Variants in MRGBP observed in about 807,000 individuals in gnomAD.
MRGBP encodes MRG domain binding protein.
Under a neutral mutation model 21.5 loss-of-function variants are expected in MRGBP, and 5 were observed. The observed-to-expected ratio is 0.23, with a 90% CI of 0.12 to 0.49. The LOEUF is 0.49. Among genes scored for constraint, MRGBP ranks in the 20% least tolerant of loss-of-function variants. The pLI is 0.98. For synonymous variants in MRGBP, 118 were observed against 104.4 expected (o/e 1.13, Z -0.79); for missense variants, 227 against 277.4 (o/e 0.82, Z 1.29).
chr20:62,798,958 A>C lies in MRGBP; in HGVS notation c.353-17A>C. Reference sequence around the variant, plus strand: ...CCACCGTGGGTTTTCGGTGAGCGTCAGCTGTCTCCTCCACAGGAAAAGTGA... The same window carrying C: ...CCACCGTGGGTTTTCGGTGAGCGTCCGCTGTCTCCTCCACAGGAAAAGTGA... On this transcript the variant is annotated splice_polypyrimidine_tract_variant and intron_variant, in intron 3 of 4. Coordinates refer to ENST00000370487, the MANE Select transcript of MRGBP (RefSeq NM_018270.6). 1 of 1,613,474 alleles carries C rather than the reference A, an allele frequency of 6.2e-7. No homozygotes were observed. Among genetic ancestry groups the C allele is most frequent in the South Asian group, 1.1e-5 (1 of 91,082 alleles).
intron 3 of MRGBP, 140 bp from the exon 4 acceptor site, chr20:62,798,835 G>T: frequency 6.4e-7 from 1 of 1,572,882 alleles, no homozygotes; most frequent in Non-Finnish European, 8.6e-7. Context: ...GATTGGAGAG[G>T]ACTTTGTTTG....
At chr20:62,799,087 G>T in intron 4 of MRGBP, 38 bp downstream of exon 4, 1 of 1,580,172 alleles carries the variant, frequency 6.3e-7, no homozygotes, top group Non-Finnish European at 8.6e-7. Flanking sequence ...TGCCCTTTGG[G>T]GCTCAGCACC....
chr20:62,799,128 G>T (rs1241342563), intron 4 of MRGBP, 79 bp downstream of exon 4: 1 of 1,459,980 alleles, frequency 6.8e-7, no homozygotes, highest in African/African-American at 1.4e-5. Context: ...GGCACAGTCA[G>T]GTGGGCGTAG....
Position 62,799,523 on chromosome 20 carries a change from C to T in MRGBP, c.495C>T (p.Ser165=). The change falls in exon 5 of 5, where the codon TCC becomes TCT. Residue 165 remains serine, a synonymous_variant. Transcript: ENST00000370487. The part of the protein sequence containing the change: ...EKSSKDKEKN[S]SDLGCKEGAD... ...CCAGCAAAGACAAAGAGAAGAACTC[C>T]TCAGACTTGGGGTGCAAAGAAGGCG... 6.2e-7 allele frequency: 1 copy of T among 1,613,950 alleles called. No homozygotes were observed.
In MRGBP at chr20:62,800,748, G is replaced by A. The variant is rs530468687; in HGVS notation, c.*1105G>A. 2 of 152,370 alleles carry A rather than the reference G, an allele frequency of 1.3e-5. No individual in the cohort carries two copies. The highest frequency in any genetic ancestry group is 2.1e-4 in the South Asian group (1 of 4,832). 9.4% of individuals were successfully genotyped at this position (152,370 alleles called of 1,614,324 possible). A position where few individuals can be genotyped will look rare whatever the true frequency, so the allele number is the denominator to read the frequency against. On this transcript the variant is annotated 3_prime_UTR_variant, in exon 5 of 5. Coordinates refer to ENST00000370487, the MANE Select transcript of MRGBP (RefSeq NM_018270.6). ...TAAACAAAATAGTAACAGATTCTGA[G>A]TGGTTATTTTGTGGACTGTGACAAG...
At position 62,796,481 on chromosome 20, in the gene MRGBP, G is replaced by C. The variant is rs1484982408; in HGVS notation, c.-43G>C. The C allele has an allele frequency of 1.8e-6, 2 of 1,099,190 alleles. No individual in the cohort carries two copies. The highest frequency in any genetic ancestry group is 3.3e-5 in the African/African-American group (2 of 59,802). The allele number at this position is 1,099,190 out of a possible 1,614,324, so 68.1% of individuals were successfully genotyped here. Reference sequence around the variant, plus strand: ...GCGCCTGCGCGGAGCTCGTGGCCGCGCCTGCTCCCGCCGGGGGCTCCTTGC... The same window carrying C: ...GCGCCTGCGCGGAGCTCGTGGCCGCCCCTGCTCCCGCCGGGGGCTCCTTGC... On this transcript the variant is annotated 5_prime_UTR_variant, in exon 1 of 5. Coordinates refer to ENST00000370487, the MANE Select transcript of MRGBP (RefSeq NM_018270.6).
intron 2 of MRGBP, 66 bp downstream of exon 2, chr20:62,797,297 G>A (rs902867422): frequency 7.4e-6 from 11 of 1,484,732 alleles, no homozygotes; most frequent in Non-Finnish European, 8.9e-6. Context: ...CTCTCTGAGA[G>A]TCAGCCTGAG....
chr20:62,798,770 A>G, intron 3 of MRGBP, 102 bp downstream of exon 3: 1 of 1,587,152 alleles, frequency 6.3e-7, no homozygotes, highest in Non-Finnish European at 8.6e-7. Context: ...GGGAGGTGTG[A>G]GGGTCCAGCG....
chr20:62,798,962 G>A lies in MRGBP; in HGVS notation c.353-13G>A, dbSNP rs753346008. ...CGTGGGTTTTCGGTGAGCGTCAGCTGTCTCCTCCACAGGAAAAGTGATGAT... is the reference window on the plus strand; with the variant it reads ...CGTGGGTTTTCGGTGAGCGTCAGCTATCTCCTCCACAGGAAAAGTGATGAT... On this transcript the variant is annotated splice_polypyrimidine_tract_variant and intron_variant, in intron 3 of 4. Transcript: ENST00000370487. The A allele has an allele frequency of 2.5e-6, 4 of 1,613,562 alleles. No individual in the cohort carries two copies. The Admixed American group carries it at 6.7e-5, about 27-fold the overall frequency.
In MRGBP at chr20:62,798,554, G is replaced by C. The variant is rs1370272472; in HGVS notation, c.271-33G>C. On this transcript the variant is annotated intron_variant, in intron 2 of 4. Coordinates refer to ENST00000370487, the MANE Select transcript of MRGBP (RefSeq NM_018270.6). Reference sequence around the variant, plus strand: ...TTCTTGAAACTGCATCTTCACCCTTGTTTCTTAAACAAAACTCTCTATTTG... The same window carrying C: ...TTCTTGAAACTGCATCTTCACCCTTCTTTCTTAAACAAAACTCTCTATTTG... The C allele has an allele frequency of 2.5e-6, 4 of 1,588,930 alleles. No homozygotes were observed. In the African/African-American group the frequency reaches 5.4e-5, roughly 21 times the overall value.
chr20:62,797,236 G>A lies in MRGBP; in HGVS notation c.270+5G>A. 1 of 1,570,532 alleles carries A rather than the reference G, an allele frequency of 6.4e-7. No homozygotes were observed. The highest frequency in any genetic ancestry group is 1.4e-5 in the African/African-American group (1 of 73,238). On this transcript the variant is annotated splice_donor_5th_base_variant and intron_variant, in intron 2 of 4. Transcript: ENST00000370487. The stretch of plus-strand genomic sequence containing the variant: ...ATGTACGACATGCAGGCGCTGGTGA[G>A]CCCAACCGCCCTCCCTGTGCCGCCC...
At position 62,798,581 on chromosome 20, in the gene MRGBP, T is replaced by C; in HGVS notation, c.271-6T>C. On this transcript the variant is annotated splice_polypyrimidine_tract_variant and splice_region_variant and intron_variant, in intron 2 of 4. Transcript: ENST00000370487. Reference sequence around the variant, plus strand: ...TTCTTAAACAAAACTCTCTATTTGATATCAGCATGAGTCTGAGATTCTTCC... The same window carrying C: ...TTCTTAAACAAAACTCTCTATTTGACATCAGCATGAGTCTGAGATTCTTCC... 1 of 1,611,438 alleles carries C rather than the reference T, an allele frequency of 6.2e-7. No homozygotes were observed. Among genetic ancestry groups the C allele is most frequent in the Non-Finnish European group, 8.5e-7 (1 of 1,177,854 alleles).
At chr20:62,797,796 G>A (rs184349941) in intron 2 of MRGBP, among the ~76,000 whole-genome samples, 1 of 152,358 alleles carries the variant, frequency 6.6e-6, no homozygotes, top group East Asian at 1.9e-4. Flanking sequence ...TGTGACGGGC[G>A]AGCGGGTTAA....
chr20:62,797,409 C>T (rs1990361049), intron 2 of MRGBP, among the ~76,000 whole-genome samples, 178 bp downstream of exon 2: 1 of 152,166 alleles, frequency 6.6e-6, no homozygotes, highest in Non-Finnish European at 1.5e-5. Context: ...TCAGCCTGAG[C>T]TGGGCAGAGG....
Position 62,800,349 on chromosome 20 carries a change from T to G in MRGBP, c.*706T>G, listed in dbSNP as rs1320865330. ...TATATGAACAAAGTACTGCAGAAGTTAAACCTGTGTTGTATTTTTTCTGAG... is the reference window on the plus strand; with the variant it reads ...TATATGAACAAAGTACTGCAGAAGTGAAACCTGTGTTGTATTTTTTCTGAG... On this transcript the variant is annotated 3_prime_UTR_variant, in exon 5 of 5. Transcript: ENST00000370487. 6.6e-6 allele frequency: 1 copy of G among 152,624 alleles called. No homozygotes were observed. Among genetic ancestry groups the G allele is most frequent in the Admixed American group, 6.5e-5 (1 of 15,294 alleles). 9.5% of individuals were successfully genotyped at this position (152,624 alleles called of 1,614,324 possible). A position where few individuals can be genotyped will look rare whatever the true frequency, so the allele number is the denominator to read the frequency against.
Position 62,797,150 on chromosome 20 carries a change from G to C in MRGBP, c.189G>C (p.Lys63Asn). Residue 63 changes from lysine (K) to asparagine (N), a missense_variant, in exon 2 of 5, where the codon AAG (lysine) becomes AAC (asparagine). Physicochemically the swap from Lys to Asn is moderately conservative, Grantham distance 94. Transcript: ENST00000370487. Reference sequence around the variant, plus strand: ...TCCACATGATTTGTATTCGGGACAAGTTCAGCCAGAACATCGGGCGGCAGG... The same window carrying C: ...TCCACATGATTTGTATTCGGGACAACTTCAGCCAGAACATCGGGCGGCAGG... ...RHFHMICIRD[K>N]FSQNIGRQVP... 6.2e-7 allele frequency: 1 copy of C among 1,607,576 alleles called. No individual in the cohort carries two copies. The highest frequency in any genetic ancestry group is 8.5e-7 in the Non-Finnish European group (1 of 1,178,180).
rs200094860 is a variant in MRGBP, at chr20:62,797,244, G to C, written c.270+13G>C. On this transcript the variant is annotated intron_variant, in intron 2 of 4. Coordinates refer to ENST00000370487, the MANE Select transcript of MRGBP (RefSeq NM_018270.6). The stretch of plus-strand genomic sequence containing the variant: ...CATGCAGGCGCTGGTGAGCCCAACC[G>C]CCCTCCCTGTGCCGCCCGATGGGGG... 2.1e-4 allele frequency: 324 copies of C among 1,563,006 alleles called. 1 individual carries two copies. In the African/African-American group the frequency reaches 4.1e-3, roughly 20 times the overall value.
rs551769546 is a variant in MRGBP at position 62,799,153 on chromosome 20, A to G, written c.427+104A>G. 8.3e-5 allele frequency: 102 copies of G among 1,230,650 alleles called. 1 individual carries two copies. The South Asian group carries it at 1.3e-3, about 16-fold the overall frequency. 76.2% of individuals were successfully genotyped at this position (1,230,650 alleles called of 1,614,324 possible). On this transcript the variant is annotated intron_variant, in intron 4 of 4. Transcript: ENST00000370487. Reference sequence around the variant, plus strand: ...GGTGGGCGTAGAGCCTGCGGTGCAGAGGCCCCAGGCAGGTCATCTAGGCAC... The same window carrying G: ...GGTGGGCGTAGAGCCTGCGGTGCAGGGGCCCCAGGCAGGTCATCTAGGCAC...
intron 2 of MRGBP, 46 bp downstream of exon 2, chr20:62,797,277 C>G: frequency 6.7e-7 from 1 of 1,502,540 alleles, no homozygotes; most frequent in Non-Finnish European, 8.9e-7. Context: ...GGGCACGAAC[C>G]CGCACACCGC....
Sources: gnomAD v4.1 joint callset for allele counts (sites outside exome capture counted in the v4.1 genomes callset) on GRCh38, gnomAD v4.1.1 for gene constraint, MANE v1.5 for transcripts, NCBI Gene and HGNC (gene_info 2026-07-23, HGNC 2026-07-21) for gene names.